RAP1GAP2: variants seen among roughly 807,000 people sequenced by gnomAD.
RAP1GAP2 encodes the protein rap1 GTPase-activating protein 2.
RAP1GAP2 carries 27 observed loss-of-function variants against 95.0 expected under a neutral mutation model. The observed-to-expected ratio is 0.28, with a 90% CI of 0.21 to 0.39. RAP1GAP2 has a LOEUF of 0.39. RAP1GAP2 is among the 10% of genes least tolerant of loss of function. The pLI, the probability that RAP1GAP2 is intolerant of heterozygous loss-of-function variation, is 1.00. For missense variants in RAP1GAP2, 771 were observed against 970.0 expected (o/e 0.79, Z 2.72); for synonymous variants, 373 against 380.9 (o/e 0.98, Z 0.24).
At chr17:2,868,260 C>G (rs2072696063) in intron 2 of RAP1GAP2, among the ~76,000 whole-genome samples, 2 of 152,134 alleles carry the variant, frequency 1.3e-5, no homozygotes, top group East Asian at 1.9e-4. Flanking sequence ...TGCTATCCAT[C>G]CCCCTGGTGG....
chr17:2,991,547 C>T, intron 12 of RAP1GAP2, 150 bp downstream of exon 12: 1 of 660,542 alleles, frequency 1.5e-6, no homozygotes, highest in Non-Finnish European at 2.6e-6. Flanking sequence ...CACTGCATTT[C>T]TAAGGAATCA....
chr17:2,883,418 T>A (rs2073375720), intron 2 of RAP1GAP2, among the ~76,000 whole-genome samples: 1 of 152,336 alleles, frequency 6.6e-6, no homozygotes, highest in East Asian at 1.9e-4. Context: ...CCACTCCACG[T>A]GCTGCCCTGC....
intron 2 of RAP1GAP2, among the ~76,000 whole-genome samples, chr17:2,878,815 C>T (rs1003308482): frequency 2.6e-5 from 4 of 152,226 alleles, no homozygotes; most frequent in African/African-American, 7.2e-5. Flanking sequence ...AACCTGGGCC[C>T]CAGAGCCCAC....
chr17:2,981,578 G>T (rs1037924829), intron 10 of RAP1GAP2, among the ~76,000 whole-genome samples: 10 of 152,108 alleles, frequency 6.6e-5, no homozygotes, highest in African/African-American at 2.4e-4. Context: ...TCTGTAGCTG[G>T]GGGCTGGTGC....
intron 2 of RAP1GAP2, among the ~76,000 whole-genome samples, chr17:2,834,939 A>T (rs1366859529): frequency 6.6e-6 from 1 of 152,086 alleles, no homozygotes; most frequent in Non-Finnish European, 1.5e-5. Context: ...TTATTTTTTG[A>T]GATGGAGTCT....
chr17:2,871,920 A>T lies in RAP1GAP2; in HGVS notation c.81-33364A>T, dbSNP rs2072862192. 6.6e-6 allele frequency among the ~76,000 whole-genome samples: 1 copy of T among 152,142 alleles called. No homozygotes were observed. Among genetic ancestry groups the T allele is most frequent in the Non-Finnish European group, 1.5e-5 (1 of 68,024 alleles). ...TATTTCACATTCATACCATGGACTAACTACTTAAAATAGAATGATGAGGCC... is the reference window on the plus strand; with the variant it reads ...TATTTCACATTCATACCATGGACTATCTACTTAAAATAGAATGATGAGGCC... On this transcript the variant is annotated intron_variant, in intron 2 of 24. Coordinates refer to ENST00000254695, the MANE Select transcript of RAP1GAP2 (RefSeq NM_015085.5). This position sits in a 1 kb window ranked among gnomAD's most constrained non-coding sequence, Gnocchi z 5.0.
Position 2,965,382 on chromosome 17 carries a change from G to A in RAP1GAP2, c.493-158G>A, listed in dbSNP as rs996118532. 2.1e-5 allele frequency: 13 copies of A among 631,478 alleles called. No individual in the cohort carries two copies. The highest frequency in any genetic ancestry group is 3.0e-5 in the Non-Finnish European group (11 of 361,266). The allele number at this position is 631,478 out of a possible 1,614,324, so 39.1% of individuals were successfully genotyped here. ...GGTGCCTGGCGCCTCCTGAGGATCC[G>A]GCCGTCGGTACCTGTTAATGTCGTT... is the stretch of plus-strand genomic sequence containing the variant. On this transcript the variant is annotated intron_variant, in intron 7 of 24. Coordinates refer to ENST00000254695, the MANE Select transcript of RAP1GAP2 (RefSeq NM_015085.5). This position sits in a 1 kb window ranked among gnomAD's most constrained non-coding sequence, Gnocchi z 4.7.
In RAP1GAP2 at chr17:2,906,488, T is replaced by C. The variant is rs1174053324; in HGVS notation, c.165+1120T>C. Reference sequence around the variant, plus strand: ...CGGTGGGCGGGGGGGCAGGACAGGGTGCAGGGCTGACCAAGGAGAGCTGTG... The same window carrying C: ...CGGTGGGCGGGGGGGCAGGACAGGGCGCAGGGCTGACCAAGGAGAGCTGTG... On this transcript the variant is annotated intron_variant, in intron 3 of 24. Transcript: ENST00000254695. The surrounding 1 kb of genome is among the most constrained non-coding windows in gnomAD (Gnocchi z 4.3). Among the ~76,000 whole-genome samples the C allele has an allele frequency of 6.6e-6, 1 of 151,868 alleles. No homozygotes were observed. Among genetic ancestry groups the C allele is most frequent in the Non-Finnish European group, 1.5e-5 (1 of 67,968 alleles).
At chr17:2,819,912 C>T (rs1440919272) in intron 2 of RAP1GAP2, among the ~76,000 whole-genome samples, 5 of 151,588 alleles carry the variant, frequency 3.3e-5, no homozygotes, top group African/African-American at 9.7e-5. Flanking sequence ...CAGCCTCCCA[C>T]GTGGTTGGGA....
At chr17:2,985,146 G>A in intron 11 of RAP1GAP2, 80 bp downstream of exon 11, 1 of 1,594,124 alleles carries the variant, frequency 6.3e-7, no homozygotes, top group Non-Finnish European at 8.5e-7. Context: ...CCAGAACACA[G>A]GAGTCCTGAC....
At chr17:2,982,005 T>C (rs997627124) in intron 10 of RAP1GAP2, among the ~76,000 whole-genome samples, 3 of 152,236 alleles carry the variant, frequency 2.0e-5, no homozygotes, top group African/African-American at 7.2e-5. Flanking sequence ...TGGGTCACGC[T>C]GCAGCGGCTG....
At chr17:2,847,931 A>G (rs2071659450) in intron 2 of RAP1GAP2, among the ~76,000 whole-genome samples, 2 of 152,258 alleles carry the variant, frequency 1.3e-5, no homozygotes, top group South Asian at 4.1e-4. Context: ...TGTGGGAAAA[A>G]TTACTGTAGT....
At chr17:2,780,344 T>C (rs906952461) in intron 1 of RAP1GAP2, among the ~76,000 whole-genome samples, 2 of 152,228 alleles carry the variant, frequency 1.3e-5, no homozygotes. Flanking sequence ...AGCCGCCGCC[T>C]CTGGCAAAAG....
At chr17:2,822,414 G>A (rs2070342263) in intron 2 of RAP1GAP2, among the ~76,000 whole-genome samples, 1 of 152,148 alleles carries the variant, frequency 6.6e-6, no homozygotes, top group South Asian at 2.1e-4. Context: ...TTGAGCCCAG[G>A]AGTTTAACAC....
chr17:2,956,786 G>GAGTA (rs2044122798), intron 3 of RAP1GAP2, among the ~76,000 whole-genome samples: 1 of 152,114 alleles, frequency 6.6e-6, no homozygotes, highest in Non-Finnish European at 1.5e-5. Flanking sequence ...CACAAGGGTG[G>GAGTA]CACCAAAGTA....
Position 2,964,076 on chromosome 17 carries a change from T to TGGGGGAGAGGAGCTGCTGGGGGTTG in RAP1GAP2, c.492+13_492+37dup. On this transcript the variant is annotated intron_variant, in intron 7 of 24. Coordinates refer to ENST00000254695, the MANE Select transcript of RAP1GAP2 (RefSeq NM_015085.5). Reference sequence around the variant, plus strand: ...AGGCACTTCCTGGGGAAGGTGAGGCTGGGGGAGAGGAGCTGCTGGGGGTTG... The same window carrying TGGGGGAGAGGAGCTGCTGGGGGTTG: ...AGGCACTTCCTGGGGAAGGTGAGGCTGGGGGAGAGGAGCTGCTGGGGGTTGGGGGGAGAGGAGCTGCTGGGGGTTG... 2.7e-6 allele frequency: 4 copies of TGGGGGAGAGGAGCTGCTGGGGGTTG among 1,478,496 alleles called. No individual in the cohort carries two copies. Among genetic ancestry groups the TGGGGGAGAGGAGCTGCTGGGGGTTG allele is most frequent in the Non-Finnish European group, 3.6e-6 (4 of 1,103,832 alleles). 91.6% of individuals were successfully genotyped at this position (1,478,496 alleles called of 1,614,324 possible).
At chr17:2,770,762 C>T (rs927774389) in intron 2 of RAP1GAP2, among the ~76,000 whole-genome samples, 2 of 152,186 alleles carry the variant, frequency 1.3e-5, no homozygotes, top group African/African-American at 2.4e-5. Context: ...GGAGATTGGT[C>T]GGGCTCAGTG....
chr17:2,941,925 C>T (rs2043514861), intron 3 of RAP1GAP2, among the ~76,000 whole-genome samples: 1 of 152,070 alleles, frequency 6.6e-6, no homozygotes, highest in South Asian at 2.1e-4. Context: ...TCAGGTGATC[C>T]ACCTGCCTCG....
At chr17:2,882,858 T>C (rs1388404597) in intron 2 of RAP1GAP2, among the ~76,000 whole-genome samples, 2 of 152,336 alleles carry the variant, frequency 1.3e-5, no homozygotes, top group Non-Finnish European at 2.9e-5. Flanking sequence ...ACGTGACTGA[T>C]TCGTGTCATG....
Sources: allele counts gnomAD v4.1 joint callset (sites outside exome capture counted in the v4.1 genomes callset), GRCh38; gene constraint gnomAD v4.1.1; non-coding constraint Gnocchi (gnomAD v3.1); transcripts MANE v1.5; gene names NCBI Gene and HGNC (gene_info 2026-07-23, HGNC 2026-07-21).